LIN9: variants seen among roughly 807,000 people sequenced by gnomAD.
The protein encoded by LIN9 is protein lin-9 homolog.
A neutral mutation model predicts 78.0 loss-of-function variants in LIN9; 18 were observed. The observed-to-expected ratio is 0.23, with a 90% CI of 0.16 to 0.34. The LOEUF (loss-of-function observed/expected upper bound fraction) is 0.34. Ranked by LOEUF, LIN9 falls within the 10% of genes least tolerant of loss-of-function variation. The probability of loss-of-function intolerance (pLI) is 1.00; values close to 1 mark genes in which losing one functional copy is unlikely to be tolerated. For synonymous variants in LIN9, 192 were observed against 215.2 expected, an observed-to-expected ratio of 0.89 and a Z score of 0.94; for missense variants, 451 against 644.1, an observed-to-expected ratio of 0.70 and a Z score of 3.25.
intron 7 of LIN9, among the ~76,000 whole-genome samples, chr1:226,272,362 T>C (rs1399901886): frequency 6.6e-6 from 1 of 151,400 alleles, no homozygotes; most frequent in Non-Finnish European, 1.5e-5. Context: ...AGCCAATCAT[T>C]ACTTTTTAAT....
chr1:226,297,838 G>T, intron 2 of LIN9, 25 bp from the exon 3 acceptor site: 1 of 1,400,474 alleles, frequency 7.1e-7, no homozygotes, highest in Non-Finnish European at 9.6e-7. Context: ...TAATACTAAT[G>T]GAATTTTGGC....
At chr1:226,298,814 C>T (rs1043337959) in intron 2 of LIN9, among the ~76,000 whole-genome samples, 1 of 151,996 alleles carries the variant, frequency 6.6e-6, no homozygotes, top group Non-Finnish European at 1.5e-5. Flanking sequence ...AAGCCAGGGT[C>T]AAAGCGAGCC....
At chr1:226,243,695 C>CAA (rs532381607) in intron 11 of LIN9, among the ~76,000 whole-genome samples, 109 of 34,870 alleles carry the variant, frequency 3.1e-3, no homozygotes, top group African/African-American at 5.4e-3. Context: ...GACTCCGTCT[C>CAA]AAAAAAAAAA....
At chr1:226,238,761 T>C (rs1657907717) in intron 12 of LIN9, among the ~76,000 whole-genome samples, 1 of 152,196 alleles carries the variant, frequency 6.6e-6, no homozygotes, top group Non-Finnish European at 1.5e-5. Flanking sequence ...CTTATTTGTA[T>C]CTTGAACCAA....
intron 6 of LIN9, among the ~76,000 whole-genome samples, chr1:226,280,044 T>C (rs1328302735): frequency 6.6e-6 from 1 of 152,208 alleles, no homozygotes; most frequent in Non-Finnish European, 1.5e-5. Flanking sequence ...CAGTTAAAGA[T>C]GAGACTTCCT....
At chr1:226,245,480 CGG>C (rs1558158954) in intron 11 of LIN9, among the ~76,000 whole-genome samples, 41 of 152,072 alleles carry the variant, frequency 2.7e-4, no homozygotes, top group African/African-American at 8.9e-4. Context: ...TGGAGTTCAG[CGG>C]TACCATCCTA....
intron 1 of LIN9, among the ~76,000 whole-genome samples, chr1:226,305,327 A>C (rs1004965657): frequency 3.3e-5 from 5 of 149,694 alleles, no homozygotes; most frequent in East Asian, 1.9e-4. Context: ...AAAAAAAAAA[A>C]AAAAAAAAAA....
chr1:226,292,607 C>T (rs1576349642), intron 4 of LIN9, among the ~76,000 whole-genome samples: 1 of 151,972 alleles, frequency 6.6e-6, no homozygotes, highest in East Asian at 1.9e-4. Context: ...GTGCCCACCA[C>T]CATGCCTGGC....
intron 14 of LIN9, 117 bp downstream of exon 14, chr1:226,232,979 A>G (rs893442046): frequency 9.9e-6 from 6 of 607,518 alleles, no homozygotes; most frequent in African/African-American, 9.5e-5. Context: ...TCTTACAAAT[A>G]TATTTAACGG....
At chr1:226,303,633 T>C (rs2102682153) in intron 1 of LIN9, among the ~76,000 whole-genome samples, 1 of 152,130 alleles carries the variant, frequency 6.6e-6, no homozygotes, top group East Asian at 1.9e-4. Context: ...TGAAATGGAG[T>C]CTCACTCTGT....
intron 11 of LIN9, among the ~76,000 whole-genome samples, chr1:226,243,825 A>AT (rs945894466): frequency 5.3e-5 from 8 of 151,962 alleles, no homozygotes; most frequent in Non-Finnish European, 1.2e-4. Context: ...AAGAATGGTA[A>AT]TTTTTTAAAG....
intron 11 of LIN9, among the ~76,000 whole-genome samples, chr1:226,250,534 T>C (rs1658766632): frequency 6.6e-6 from 1 of 151,766 alleles, no homozygotes; most frequent in Admixed American, 6.6e-5. Flanking sequence ...GATTTACTGT[T>C]GTATGTATGT....
At chr1:226,272,825 C>G (rs1276792095) in intron 7 of LIN9, among the ~76,000 whole-genome samples, 1 of 152,146 alleles carries the variant, frequency 6.6e-6, no homozygotes, top group Non-Finnish European at 1.5e-5. Context: ...CCACCTGTTT[C>G]TTTGTTGGAT....
upstream of LIN9, chr1:226,309,249 C>T (rs1558217435): frequency 3.1e-6 from 4 of 1,310,110 alleles, no homozygotes; most frequent in Non-Finnish European, 4.0e-6. Context: ...CCCGCGGCGC[C>T]GCGCTGCGCT....
At chr1:226,261,882 T>G (rs1304660584) in intron 10 of LIN9, among the ~76,000 whole-genome samples, 1 of 152,114 alleles carries the variant, frequency 6.6e-6, no homozygotes. Context: ...ACTATAAACC[T>G]ACAGTAATCA....
intron 7 of LIN9, among the ~76,000 whole-genome samples, chr1:226,275,180 A>G (rs1660560994): frequency 6.6e-6 from 1 of 152,196 alleles, no homozygotes; most frequent in Non-Finnish European, 1.5e-5. Context: ...TATTTAGAGC[A>G]TGTTTACTCC....
intron 13 of LIN9, 45 bp downstream of exon 13, chr1:226,233,299 G>T: frequency 6.5e-7 from 1 of 1,544,160 alleles, no homozygotes; most frequent in Non-Finnish European, 8.9e-7. Context: ...AATTAGCGTG[G>T]GTTGCTTTGT....
chr1:226,236,169 C>A (rs1186884528), intron 12 of LIN9, among the ~76,000 whole-genome samples: 1 of 151,884 alleles, frequency 6.6e-6, no homozygotes, highest in East Asian at 1.9e-4. Context: ...TCCTTTAATA[C>A]TTTTCTAAAA....
intron 10 of LIN9, among the ~76,000 whole-genome samples, chr1:226,260,639 T>C (rs974502194): frequency 2.0e-4 from 24 of 118,440 alleles, no homozygotes; most frequent in African/African-American, 8.0e-4. Flanking sequence ...TTTTTTTTTT[T>C]TTTTTTTTTT....
Sources: allele counts gnomAD v4.1 joint callset (sites outside exome capture counted in the v4.1 genomes callset), GRCh38; gene constraint gnomAD v4.1.1; transcripts MANE v1.5; gene names NCBI Gene and HGNC (gene_info 2026-07-23, HGNC 2026-07-21).